Variants in HEMK2 observed in about 807,000 individuals in gnomAD.
HEMK2 encodes the protein methyltransferase HEMK2.
the HEMK2 span, among the ~76,000 whole-genome samples, chr21:28,808,771 T>C: frequency 2.0e-5 from 3 of 152,184 alleles, no homozygotes; most frequent in East Asian, 5.8e-4. Flanking sequence ...GTAGAACTCT[T>C]AGAACTATTT....
the HEMK2 span, among the ~76,000 whole-genome samples, chr21:28,657,335 A>G: frequency 6.6e-6 from 1 of 152,078 alleles, no homozygotes; most frequent in Admixed American, 6.6e-5. Context: ...ATCAGCTCCT[A>G]AATAATAGAA....
chr21:28,603,152 T>C, the HEMK2 span, among the ~76,000 whole-genome samples: 1 of 152,278 alleles, frequency 6.6e-6, no homozygotes, highest in Non-Finnish European at 1.5e-5. Context: ...AGGCTGACAC[T>C]ATCCTCAACA....
At chr21:28,639,689 T>G in the HEMK2 span, among the ~76,000 whole-genome samples, 1 of 152,360 alleles carries the variant, frequency 6.6e-6, no homozygotes, top group South Asian at 2.1e-4. Flanking sequence ...ATACATACTT[T>G]TAATGTCTTT....
chr21:28,735,580 T>C, the HEMK2 span, among the ~76,000 whole-genome samples: 1 of 151,856 alleles, frequency 6.6e-6, no homozygotes, highest in Non-Finnish European at 1.5e-5. Flanking sequence ...TCCCATAAAC[T>C]CAGAAGTAAA....
At chr21:28,831,460 AACG>A in the HEMK2 span, among the ~76,000 whole-genome samples, 1 of 35,542 alleles carries the variant, frequency 2.8e-5, no homozygotes, top group African/African-American at 2.4e-4. Context: ...GAAAGAAAAG[AACG>A]AAAGAAAGAA....
the HEMK2 span, among the ~76,000 whole-genome samples, chr21:28,878,753 A>T: frequency 6.6e-6 from 1 of 151,792 alleles, no homozygotes; most frequent in African/African-American, 2.4e-5. Context: ...ACATTGAGAG[A>T]CATGGGTAGC....
At chr21:28,826,080 A>G in the HEMK2 span, among the ~76,000 whole-genome samples, 1 of 152,224 alleles carries the variant, frequency 6.6e-6, no homozygotes, top group East Asian at 1.9e-4. Flanking sequence ...TTAAATGGGC[A>G]AAACACGTTA....
At chr21:28,643,062 C>T in the HEMK2 span, among the ~76,000 whole-genome samples, 4 of 152,080 alleles carry the variant, frequency 2.6e-5, no homozygotes, top group African/African-American at 9.7e-5. Context: ...GGTCACATAC[C>T]CCACAGTCTA....
At chr21:28,882,021 T>C in the HEMK2 span, 2 of 512,096 alleles carry the variant, frequency 3.9e-6, no homozygotes, top group South Asian at 4.9e-5. Context: ...AAAGGTGGAT[T>C]ACATCAACAA....
chr21:28,636,932 C>T, the HEMK2 span, among the ~76,000 whole-genome samples: 12 of 152,220 alleles, frequency 7.9e-5, no homozygotes, highest in East Asian at 1.9e-3. Context: ...TTAGAAGCCA[C>T]GTGACAGAAG....
the HEMK2 span, among the ~76,000 whole-genome samples, chr21:28,751,184 T>A: frequency 2.9e-4 from 42 of 144,202 alleles, no homozygotes; most frequent in African/African-American, 1.1e-3. Context: ...TGAGCCGAGA[T>A]CACGCCACTG....
the HEMK2 span, among the ~76,000 whole-genome samples, chr21:28,615,713 G>C: frequency 6.6e-6 from 1 of 152,130 alleles, no homozygotes; most frequent in Admixed American, 6.6e-5. Context: ...GAAATCACTA[G>C]AACTACAGTC....
At chr21:28,739,638 T>C in the HEMK2 span, among the ~76,000 whole-genome samples, 1 of 152,244 alleles carries the variant, frequency 6.6e-6, no homozygotes, top group Non-Finnish European at 1.5e-5. Context: ...CAGAACTTTC[T>C]GTGATGATGG....
the HEMK2 span, among the ~76,000 whole-genome samples, chr21:28,808,203 T>C: frequency 6.6e-6 from 1 of 152,230 alleles, no homozygotes; most frequent in Admixed American, 6.6e-5. Flanking sequence ...AAAACTCCCA[T>C]GAGGAGTACT....
the HEMK2 span, among the ~76,000 whole-genome samples, chr21:28,774,097 T>C: frequency 2.0e-5 from 3 of 152,154 alleles, no homozygotes; most frequent in South Asian, 6.2e-4. Flanking sequence ...TTGGGCAAAC[T>C]ACTTAACTTC....
At chr21:28,778,777 CT>C in the HEMK2 span, among the ~76,000 whole-genome samples, 2 of 152,082 alleles carry the variant, frequency 1.3e-5, no homozygotes, top group South Asian at 4.1e-4. Context: ...TTTTACCTGA[CT>C]TTTTTCTTCA....
At chr21:28,871,108 A>G in the HEMK2 span, among the ~76,000 whole-genome samples, 4 of 152,198 alleles carry the variant, frequency 2.6e-5, no homozygotes, top group Non-Finnish European at 4.4e-5. Flanking sequence ...TTTATTTTAC[A>G]TAGTATGAAG....
the HEMK2 span, among the ~76,000 whole-genome samples, chr21:28,653,248 T>C: frequency 3.9e-4 from 59 of 149,958 alleles, no homozygotes; most frequent in African/African-American, 1.4e-3. Context: ...GACTTGCCTG[T>C]CCTGCATCAA....
the HEMK2 span, among the ~76,000 whole-genome samples, chr21:28,597,095 T>C: frequency 2.0e-5 from 3 of 152,164 alleles, no homozygotes; most frequent in Non-Finnish European, 4.4e-5. Flanking sequence ...GAAACAGACA[T>C]GCTAAATATA....
Sources: gnomAD v4.1 joint callset for allele counts (sites outside exome capture counted in the v4.1 genomes callset) on GRCh38, gnomAD v4.1.1 for gene constraint, MANE v1.5 for transcripts, NCBI Gene and HGNC (gene_info 2026-07-23, HGNC 2026-07-21) for gene names.